The following THEMIS variants were observed in gnomAD, a reference collection of about 807,000 sequenced individuals.
The protein encoded by THEMIS is thymocyte selection associated.
A neutral mutation model predicts 52.6 loss-of-function variants in THEMIS; 37 were observed. The observed-to-expected ratio is 0.70, with a 90% CI of 0.54 to 0.93. THEMIS has a LOEUF of 0.93. THEMIS is among the 40% of genes least tolerant of loss of function. The pLI, the probability that THEMIS is intolerant of heterozygous loss-of-function variation, is 0.00. For synonymous variants in THEMIS, 292 were observed against 272.7 expected, an observed-to-expected ratio of 1.07 and a Z score of -0.70; for missense variants, 808 against 763.1, an observed-to-expected ratio of 1.06 and a Z score of -0.69.
chr6:127,830,904 A>G (rs1409580669), intron 2 of THEMIS, among the ~76,000 whole-genome samples: 1 of 152,162 alleles, frequency 6.6e-6, no homozygotes, highest in Non-Finnish European at 1.5e-5. Flanking sequence ...TAAATACACC[A>G]TGACTCTCAA....
chr6:127,916,108 A>G (rs1033387187), intron 1 of THEMIS, among the ~76,000 whole-genome samples: 7 of 152,002 alleles, frequency 4.6e-5, no homozygotes, highest in African/African-American at 1.7e-4. Flanking sequence ...TTAACCCTAT[A>G]TTTGTTTAAT....
Position 127,818,947 on chromosome 6 carries a change from A to C in THEMIS, c.710-5016T>G, listed in dbSNP as rs955480659. 4.0e-5 allele frequency among the ~76,000 whole-genome samples: 6 copies of C among 151,694 alleles called. No homozygotes were observed. In the South Asian group the frequency reaches 1.3e-3, roughly 32 times the overall value. On this transcript the variant is annotated intron_variant, in intron 3 of 5. Transcript: ENST00000368248. ...ATCCTGGCTAACATGGTGAAACCCCATCTCTAATAAAAATACAAAAATTAG... is the reference window on the plus strand; with the variant it reads ...ATCCTGGCTAACATGGTGAAACCCCCTCTCTAATAAAAATACAAAAATTAG...
At chr6:127,754,078 C>T (rs1775738657) in intron 4 of THEMIS, among the ~76,000 whole-genome samples, 1 of 152,080 alleles carries the variant, frequency 6.6e-6, no homozygotes, top group Admixed American at 6.6e-5. Flanking sequence ...TTTTACATGT[C>T]AATCATACCT....
chr6:127,799,541 T>TTCTA (rs1777452629), intron 4 of THEMIS, among the ~76,000 whole-genome samples: 1 of 130,482 alleles, frequency 7.7e-6, no homozygotes. Context: ...CTTTCTTTCT[T>TTCTA]TCTTTCTTTC....
intron 1 of THEMIS, among the ~76,000 whole-genome samples, chr6:127,859,051 C>A (rs985491566): frequency 2.0e-5 from 3 of 152,032 alleles, no homozygotes; most frequent in African/African-American, 7.2e-5. Context: ...ACAATTGGTT[C>A]AATAGATTTT....
chr6:127,762,768 A>T (rs1246620136), intron 4 of THEMIS, among the ~76,000 whole-genome samples: 1 of 152,086 alleles, frequency 6.6e-6, no homozygotes, highest in Non-Finnish European at 1.5e-5. Context: ...TAATTAGCCT[A>T]TGGAATTGGC....
chr6:127,867,292 C>T (rs936806227), intron 1 of THEMIS, among the ~76,000 whole-genome samples: 10 of 152,088 alleles, frequency 6.6e-5, no homozygotes, highest in African/African-American at 2.4e-4. Context: ...CCTAGTTCCA[C>T]TGCTAAAATA....
chr6:127,898,466 A>G (rs893351712), intron 1 of THEMIS, among the ~76,000 whole-genome samples: 20 of 151,826 alleles, frequency 1.3e-4, no homozygotes, highest in African/African-American at 4.6e-4. Context: ...CACTTCAGTT[A>G]AAATAGCTTT....
intron 1 of THEMIS, among the ~76,000 whole-genome samples, chr6:127,889,773 G>T (rs1780748894): frequency 6.6e-6 from 1 of 151,968 alleles, no homozygotes. Context: ...TGAGTTAAAG[G>T]AATTGTTTTA....
At chr6:127,755,104 G>T (rs1176966889) in intron 4 of THEMIS, among the ~76,000 whole-genome samples, 1 of 151,840 alleles carries the variant, frequency 6.6e-6, no homozygotes, top group Non-Finnish European at 1.5e-5. Flanking sequence ...TGTATACAAG[G>T]CATCTTTTTT....
upstream of THEMIS, among the ~76,000 whole-genome samples, chr6:127,904,891 AAG>A (rs1781229575): frequency 6.6e-6 from 1 of 152,148 alleles, no homozygotes; most frequent in Non-Finnish European, 1.5e-5. Context: ...GACATACAGT[AAG>A]AGAGGATTGT....
At chr6:127,713,265 G>A (rs1291226310) in intron 5 of THEMIS, among the ~76,000 whole-genome samples, 2 of 151,826 alleles carry the variant, frequency 1.3e-5, no homozygotes, top group Non-Finnish European at 2.9e-5. Context: ...CCTCTCATTT[G>A]AAGTGATTAA....
chr6:127,824,092 T>A (rs1470647696), intron 3 of THEMIS, among the ~76,000 whole-genome samples: 1 of 152,096 alleles, frequency 6.6e-6, no homozygotes, highest in African/African-American at 2.4e-5. Flanking sequence ...ACACAGGGAT[T>A]ATTCAAATGT....
At chr6:127,805,064 C>T (rs1210145288) in intron 4 of THEMIS, among the ~76,000 whole-genome samples, 1 of 151,978 alleles carries the variant, frequency 6.6e-6, no homozygotes, top group Non-Finnish European at 1.5e-5. Flanking sequence ...TTATACATTT[C>T]TTGTGGCCTT....
chr6:127,810,862 A>G (rs1273778867), intron 4 of THEMIS, among the ~76,000 whole-genome samples: 1 of 139,228 alleles, frequency 7.2e-6, no homozygotes, highest in Non-Finnish European at 1.7e-5. Flanking sequence ...AACTCTTAGC[A>G]GTAGGCTGGA....
At chr6:127,872,255 A>T (rs1780179272) in intron 1 of THEMIS, among the ~76,000 whole-genome samples, 1 of 152,110 alleles carries the variant, frequency 6.6e-6, no homozygotes, top group African/African-American at 2.4e-5. Flanking sequence ...ATTTAACAAA[A>T]TTTTACACCT....
chr6:127,881,648 C>T (rs1780487977), intron 1 of THEMIS, among the ~76,000 whole-genome samples: 1 of 151,886 alleles, frequency 6.6e-6, no homozygotes, highest in African/African-American at 2.4e-5. Context: ...AGTTTTCTGG[C>T]AGTTATTTTC....
At chr6:127,770,270 C>T (rs978851611) in intron 4 of THEMIS, among the ~76,000 whole-genome samples, 10 of 152,212 alleles carry the variant, frequency 6.6e-5, no homozygotes, top group East Asian at 1.9e-4. Context: ...TTCTCCACAT[C>T]GTCTCCAGCA....
At chr6:127,701,185 A>T in the THEMIS span, among the ~76,000 whole-genome samples, 1 of 152,126 alleles carries the variant, frequency 6.6e-6, no homozygotes, top group African/African-American at 2.4e-5. Flanking sequence ...AAATGCAAAC[A>T]TCATACTTCT....
Sources: allele counts gnomAD v4.1 joint callset (sites outside exome capture counted in the v4.1 genomes callset), GRCh38; gene constraint gnomAD v4.1.1; transcripts MANE v1.5; gene names NCBI Gene and HGNC (gene_info 2026-07-23, HGNC 2026-07-21).